DAB1: variants seen among roughly 807,000 people sequenced by gnomAD.
DAB1 encodes the protein DAB adaptor protein 1.
DAB1 carries 15 observed loss-of-function variants against 64.6 expected under a neutral mutation model. That is an observed-to-expected ratio of 0.23 (90% CI 0.16 to 0.36). DAB1 has a LOEUF of 0.36. DAB1 is among the 10% of genes least tolerant of loss of function. The pLI is 1.00. For synonymous variants in DAB1, 235 were observed against 251.9 expected, an observed-to-expected ratio of 0.93 and a Z score of 0.64; for missense variants, 596 against 706.7, an observed-to-expected ratio of 0.84 and a Z score of 1.78.
intron 5 of DAB1, among the ~76,000 whole-genome samples, chr1:58,025,647 G>A (rs200272793): frequency 0.049 from 3,157 of 63,930 alleles, 112 homozygotes; most frequent in African/African-American, 0.11. Flanking sequence ...ATATATATAT[G>A]TGTGTATATA....
intron 1 of DAB1, among the ~76,000 whole-genome samples, chr1:57,319,940 C>A (rs1203340284): frequency 1.3e-5 from 2 of 152,148 alleles, no homozygotes; most frequent in East Asian, 3.8e-4. Context: ...TATCCTGGGA[C>A]CAGGAAGCAA....
chr1:57,029,308 G>A (rs1345271248), intron 9 of DAB1, among the ~76,000 whole-genome samples: 1 of 152,206 alleles, frequency 6.6e-6, no homozygotes, highest in Admixed American at 6.5e-5. Flanking sequence ...CTTCCACCTA[G>A]ATTTAAGATG....
intron 3 of DAB1, among the ~76,000 whole-genome samples, chr1:58,435,085 C>T (rs11207230): frequency 0.068 from 10,295 of 152,210 alleles, 481 homozygotes; most frequent in African/African-American, 0.14. Context: ...GATTGCATTA[C>T]TTGGGACCCC....
chr1:58,315,774 G>A (rs1047764518), intron 4 of DAB1, among the ~76,000 whole-genome samples: 3 of 152,146 alleles, frequency 2.0e-5, no homozygotes, highest in Non-Finnish European at 4.4e-5. Context: ...AAGAGAAGCT[G>A]ATCTTTATTC....
At chr1:57,292,945 T>C (rs1421177887) in intron 1 of DAB1, among the ~76,000 whole-genome samples, 1 of 152,134 alleles carries the variant, frequency 6.6e-6, no homozygotes, top group Non-Finnish European at 1.5e-5. Flanking sequence ...GGATAAGCCC[T>C]ACTCTGTGAG....
At chr1:58,488,629 T>C (rs897527945) in intron 3 of DAB1, among the ~76,000 whole-genome samples, 1 of 152,178 alleles carries the variant, frequency 6.6e-6, no homozygotes, top group Non-Finnish European at 1.5e-5. Flanking sequence ...TTTTTGTATT[T>C]TTAGTAGAGA....
At chr1:57,619,357 C>T (rs1466782149) in intron 7 of DAB1, among the ~76,000 whole-genome samples, 1 of 152,108 alleles carries the variant, frequency 6.6e-6, no homozygotes, top group Non-Finnish European at 1.5e-5. Flanking sequence ...CATGATTTGC[C>T]TTATCCTTCT....
intron 2 of DAB1, among the ~76,000 whole-genome samples, chr1:58,522,321 A>C (rs1165307493): frequency 6.6e-6 from 1 of 152,188 alleles, no homozygotes; most frequent in African/African-American, 2.4e-5. Flanking sequence ...GGAACTTTAA[A>C]GTTGAAGAAA....
intron 4 of DAB1, among the ~76,000 whole-genome samples, chr1:57,084,986 T>C (rs1193377649): frequency 6.6e-6 from 1 of 152,164 alleles, no homozygotes; most frequent in African/African-American, 2.4e-5. Flanking sequence ...TAAAAGAAAT[T>C]AGCACCAAAT....
intron 5 of DAB1, among the ~76,000 whole-genome samples, chr1:57,896,651 C>A (rs1288933475): frequency 6.6e-6 from 1 of 150,702 alleles, no homozygotes; most frequent in Non-Finnish European, 1.5e-5. Context: ...CTTAAGGTCT[C>A]TTATCTATAA....
intron 3 of DAB1, among the ~76,000 whole-genome samples, chr1:58,497,481 T>G (rs1401720983): frequency 6.6e-6 from 1 of 152,192 alleles, no homozygotes; most frequent in Non-Finnish European, 1.5e-5. Flanking sequence ...TTGATGGAGT[T>G]CAGGACATAT....
At chr1:57,443,918 A>G (rs1686044101) in intron 7 of DAB1, among the ~76,000 whole-genome samples, 1 of 152,118 alleles carries the variant, frequency 6.6e-6, no homozygotes, top group Non-Finnish European at 1.5e-5. Flanking sequence ...CGTAATTTAG[A>G]CCCTGATGAT....
At chr1:57,442,949 G>A (rs1418754704) in intron 7 of DAB1, among the ~76,000 whole-genome samples, 3 of 152,152 alleles carry the variant, frequency 2.0e-5, no homozygotes, top group African/African-American at 7.2e-5. Flanking sequence ...CTTACTTCAG[G>A]CATTTCCTTC....
intron 1 of DAB1, among the ~76,000 whole-genome samples, chr1:57,829,354 C>G (rs986045339): frequency 1.3e-5 from 2 of 152,160 alleles, no homozygotes; most frequent in African/African-American, 4.8e-5. Flanking sequence ...CCTCAGAGAA[C>G]GTAGCTTTGA....
chr1:57,510,380 T>G (rs1195011675), intron 7 of DAB1, among the ~76,000 whole-genome samples: 1 of 152,176 alleles, frequency 6.6e-6, no homozygotes, highest in Non-Finnish European at 1.5e-5. Context: ...TCCTTCTCTG[T>G]GTTCTTGGCT....
intron 7 of DAB1, among the ~76,000 whole-genome samples, chr1:57,622,408 ATGTC>A (rs1645870822): frequency 6.6e-6 from 1 of 152,204 alleles, no homozygotes; most frequent in East Asian, 1.9e-4. Flanking sequence ...TATTAGCTGT[ATGTC>A]TGTGGATGAG....
At chr1:57,803,698 T>C (rs969032459) in intron 6 of DAB1, among the ~76,000 whole-genome samples, 2 of 152,250 alleles carry the variant, frequency 1.3e-5, no homozygotes, top group Non-Finnish European at 2.9e-5. Context: ...ACTTGTTCTC[T>C]GGATCTAGAA....
chr1:57,507,492 C>T (rs900404525), intron 7 of DAB1, among the ~76,000 whole-genome samples: 3 of 152,158 alleles, frequency 2.0e-5, no homozygotes, highest in Admixed American at 6.5e-5. Context: ...CTCTCAAAGA[C>T]AATAACAGGG....
chr1:58,310,912 G>A (rs1662416270), intron 4 of DAB1, among the ~76,000 whole-genome samples: 1 of 152,082 alleles, frequency 6.6e-6, no homozygotes, highest in Non-Finnish European at 1.5e-5. Flanking sequence ...TCCTGCCAGA[G>A]GTGCCCTTCA....
Sources: gnomAD v4.1 joint callset for allele counts (sites outside exome capture counted in the v4.1 genomes callset) on GRCh38, gnomAD v4.1.1 for gene constraint, MANE v1.5 for transcripts, NCBI Gene and HGNC (gene_info 2026-07-23, HGNC 2026-07-21) for gene names.